The following MTPAP variants were observed in gnomAD, a reference collection of about 807,000 sequenced individuals.
The protein encoded by MTPAP is poly(A) RNA polymerase, mitochondrial.
A neutral mutation model predicts 48.7 loss-of-function variants in MTPAP; 23 were observed. That is an observed-to-expected ratio of 0.47 (90% CI 0.34 to 0.67). The LOEUF (loss-of-function observed/expected upper bound fraction) is 0.67, where lower values mean the gene tolerates loss of function less well. Among genes scored for constraint, MTPAP ranks in the 30% least tolerant of loss-of-function variants. The pLI is 0.01. For synonymous variants in MTPAP, 257 were observed against 254.1 expected, an observed-to-expected ratio of 1.01 and a Z score of -0.11; for missense variants, 614 against 694.3, an observed-to-expected ratio of 0.88 and a Z score of 1.30.
chr10:30,336,082 G>A (rs971906530), intron 4 of MTPAP, among the ~76,000 whole-genome samples: 1 of 152,032 alleles, frequency 6.6e-6, no homozygotes, highest in African/African-American at 2.4e-5. Context: ...TAAAACAGGA[G>A]AAATTAGTCC....
chr10:30,340,044 A>C lies in MTPAP; in HGVS notation c.555+182T>G, dbSNP rs1834780419. 6.4e-6 allele frequency: 4 copies of C among 620,866 alleles called. No homozygotes were observed. The East Asian group carries it at 1.1e-4, about 17-fold the overall frequency. The allele number at this position is 620,866 out of a possible 1,614,324, so 38.5% of individuals were successfully genotyped here. On this transcript the variant is annotated intron_variant, in intron 3 of 8. Coordinates refer to ENST00000263063, the MANE Select transcript of MTPAP (RefSeq NM_018109.4). Reference sequence around the variant, plus strand: ...TTCTTAGAAAGCTAGAAATAGAAAAAAACTTTCCTTCATCTCATTATGCAT... The same window carrying C: ...TTCTTAGAAAGCTAGAAATAGAAAACAACTTTCCTTCATCTCATTATGCAT...
In MTPAP at chr10:30,313,381, C is replaced by T. The variant is rs549334116; in HGVS notation, c.*228G>A. ...AGCAGCTGGGACTACAGGTGTGCAC[C>T]GCCACACTCCACAGCTGATGTTTTA... On this transcript the variant is annotated 3_prime_UTR_variant, in exon 9 of 9. Transcript: ENST00000263063. 25 of 555,712 alleles carry T rather than the reference C, an allele frequency of 4.5e-5. No individual in the cohort carries two copies. The highest frequency in any genetic ancestry group is 2.6e-4 in the South Asian group (13 of 49,476). The allele number at this position is 555,712 out of a possible 1,614,324, so 34.4% of individuals were successfully genotyped here.
chr10:30,343,853 G>A (rs1045264981), intron 1 of MTPAP, among the ~76,000 whole-genome samples: 3 of 152,114 alleles, frequency 2.0e-5, no homozygotes, highest in Non-Finnish European at 2.9e-5. Flanking sequence ...CAGGCATGAC[G>A]CCACCACGCC....
intron 5 of MTPAP, among the ~76,000 whole-genome samples, chr10:30,322,841 A>G (rs1161938167): frequency 2.0e-5 from 3 of 152,210 alleles, no homozygotes; most frequent in Admixed American, 6.5e-5. Context: ...CTTAAAATTG[A>G]TAATTAAAAT....
rs1048564939 is a variant in MTPAP, at chr10:30,310,461, C to G, written c.*3148G>C. ...CTTAGCCAGGTGTGGTGGCATGCACCTGTAATCCCAGCTACTCAGGAGGCT... is the reference window on the plus strand; with the variant it reads ...CTTAGCCAGGTGTGGTGGCATGCACGTGTAATCCCAGCTACTCAGGAGGCT... On this transcript the variant is annotated 3_prime_UTR_variant, in exon 9 of 9. Transcript: ENST00000263063. 2.6e-5 allele frequency: 4 copies of G among 151,530 alleles called. No homozygotes were observed. The highest frequency in any genetic ancestry group is 5.9e-5 in the Non-Finnish European group (4 of 68,010). The allele number at this position is 151,530 out of a possible 1,614,324, so 9.4% of individuals were successfully genotyped here.
At chr10:30,320,548 T>C (rs1840711468) in intron 6 of MTPAP, among the ~76,000 whole-genome samples, 1 of 151,840 alleles carries the variant, frequency 6.6e-6, no homozygotes, top group African/African-American at 2.4e-5. Context: ...AAATAAAATT[T>C]TTAAAAAAAT....
chr10:30,340,225 C>G lies in MTPAP; in HGVS notation c.555+1G>C. On this transcript the variant is annotated splice_donor_variant, in intron 3 of 8. Transcript: ENST00000263063. LOFTEE classifies it high-confidence loss of function. Reference sequence around the variant, plus strand: ...AAGTTGAGGTACACCTAAAAACTTACACTTTCTGCATAACAAAGTAATTCA... The same window carrying G: ...AAGTTGAGGTACACCTAAAAACTTAGACTTTCTGCATAACAAAGTAATTCA... 6.2e-7 allele frequency: 1 copy of G among 1,610,352 alleles called. No individual in the cohort carries two copies. The highest frequency in any genetic ancestry group is 8.5e-7 in the Non-Finnish European group (1 of 1,176,554).
chr10:30,337,176 A>G (rs900548076), intron 3 of MTPAP, 149 bp from the exon 4 acceptor site: 2 of 755,574 alleles, frequency 2.6e-6, no homozygotes, highest in Non-Finnish European at 4.5e-6. Context: ...TGTAATCCCA[A>G]CATTTTGGGA....
At position 30,312,826 on chromosome 10, in the gene MTPAP, T is replaced by C. The variant is rs531778676; in HGVS notation, c.*783A>G. 6.6e-6 allele frequency: 1 copy of C among 152,142 alleles called. No individual in the cohort carries two copies. The highest frequency in any genetic ancestry group is 2.1e-4 in the South Asian group (1 of 4,824). 9.4% of individuals were successfully genotyped at this position (152,142 alleles called of 1,614,324 possible). A position where few individuals can be genotyped will look rare whatever the true frequency, so the allele number is the denominator to read the frequency against. On this transcript the variant is annotated 3_prime_UTR_variant, in exon 9 of 9. Transcript: ENST00000263063. ...GTGAAGGAATACTGGGAATATCACA[T>C]TTTAGTTAGAAACAGAATTTTATTT...
intron 6 of MTPAP, 81 bp downstream of exon 6, chr10:30,322,310 C>G: frequency 8.4e-7 from 1 of 1,187,930 alleles, no homozygotes; most frequent in South Asian, 1.2e-5. Context: ...AACAAATAGA[C>G]GGGACTTTGG....
At position 30,316,119 on chromosome 10, in the gene MTPAP, T is replaced by C. The variant is rs764683929; in HGVS notation, c.1311A>G (p.Leu437=). ...TCAAGTAAACAGAAAGACACTTACC[T>C]AATGTTTCTGTGTTCTGTGAAGGTT... ...RIKPSQNTET[L]ELLLKEFFEY... The change falls in exon 7 of 9, where the codon TTA becomes TTG. Residue 437 remains leucine, a splice_region_variant and synonymous_variant. Transcript: ENST00000263063. The C allele has an allele frequency of 1.2e-6, 2 of 1,612,608 alleles. No individual in the cohort carries two copies. The highest frequency in any genetic ancestry group is 1.7e-6 in the Non-Finnish European group (2 of 1,178,608).
intron 6 of MTPAP, among the ~76,000 whole-genome samples, chr10:30,321,997 G>A (rs1840731393): frequency 6.6e-6 from 1 of 152,114 alleles, no homozygotes; most frequent in Non-Finnish European, 1.5e-5. Context: ...GAAACATCAC[G>A]AAGCAGTTTT....
At position 30,320,143 on chromosome 10, in the gene MTPAP, T is replaced by C. The variant is rs142311293; in HGVS notation, c.1219+2248A>G. Among the ~76,000 whole-genome samples the C allele has an allele frequency of 2.6e-4, 39 of 152,306 alleles. No individual in the cohort carries two copies. The East Asian group carries it at 5.4e-3, about 21-fold the overall frequency. On this transcript the variant is annotated intron_variant, in intron 6 of 8. Transcript: ENST00000263063. ...GAGTGAGTGGTGGCACAAGCCTGTA[T>C]ATCCCAGCTATTGAGGAGGCTGAGG...
chr10:30,311,952 G>C lies in MTPAP; in HGVS notation c.*1657C>G, dbSNP rs1840598306. ...ACCTGAGGTCAGGAGTTCGAGATCA[G>C]CCTGGCCAACATGGTGAAACCCTGT... On this transcript the variant is annotated 3_prime_UTR_variant, in exon 9 of 9. Transcript: ENST00000263063. The C allele has an allele frequency of 6.6e-6, 1 of 152,364 alleles. No individual in the cohort carries two copies. The highest frequency in any genetic ancestry group is 2.4e-5 in the African/African-American group (1 of 41,462). 9.4% of individuals were successfully genotyped at this position (152,364 alleles called of 1,614,324 possible).
intron 6 of MTPAP, among the ~76,000 whole-genome samples, chr10:30,321,976 T>C (rs1474715813): frequency 4.6e-5 from 7 of 152,176 alleles, no homozygotes. Flanking sequence ...AAAAACACAT[T>C]TAGAATCTTT....
intron 4 of MTPAP, among the ~76,000 whole-genome samples, chr10:30,330,518 T>G (rs890082933): frequency 6.6e-6 from 1 of 152,120 alleles, no homozygotes; most frequent in Non-Finnish European, 1.5e-5. Flanking sequence ...TTAAATTAAG[T>G]ACTATAAATG....
At chr10:30,344,832 G>A (rs1033855750) in intron 1 of MTPAP, among the ~76,000 whole-genome samples, 29 of 152,250 alleles carry the variant, frequency 1.9e-4, no homozygotes, top group African/African-American at 7.0e-4. Context: ...AGCCTCCCGA[G>A]TGGCTGGGAT....
chr10:30,340,641 G>A (rs780475619), intron 2 of MTPAP, among the ~76,000 whole-genome samples, 191 bp from the exon 3 acceptor site: 6 of 152,208 alleles, frequency 3.9e-5, no homozygotes, highest in Admixed American at 1.3e-4. Flanking sequence ...ACACTGGGCC[G>A]GGCGCAGTGG....
rs1242396291 is a variant in MTPAP, at chr10:30,312,163, G to C, written c.*1446C>G. The C allele has an allele frequency of 6.6e-6, 1 of 152,166 alleles. No individual in the cohort carries two copies. Among genetic ancestry groups the C allele is most frequent in the African/African-American group, 2.4e-5 (1 of 41,426 alleles). 9.4% of individuals were successfully genotyped at this position (152,166 alleles called of 1,614,324 possible). A position where few individuals can be genotyped will look rare whatever the true frequency, so the allele number is the denominator to read the frequency against. Reference sequence around the variant, plus strand: ...AAACAAAACGAAACAAAGCAAAAAAGTTGCTCCACAGAGAATGTAATGGAA... The same window carrying C: ...AAACAAAACGAAACAAAGCAAAAAACTTGCTCCACAGAGAATGTAATGGAA... On this transcript the variant is annotated 3_prime_UTR_variant, in exon 9 of 9. Coordinates refer to ENST00000263063, the MANE Select transcript of MTPAP (RefSeq NM_018109.4).
Sources: allele counts gnomAD v4.1 joint callset (sites outside exome capture counted in the v4.1 genomes callset), GRCh38; gene constraint gnomAD v4.1.1; transcripts MANE v1.5; gene names NCBI Gene and HGNC (gene_info 2026-07-23, HGNC 2026-07-21).